The following ENTPD8 variants were observed in gnomAD, a reference collection of about 807,000 sequenced individuals.
ENTPD8 encodes the protein ectonucleoside triphosphate diphosphohydrolase 8.
In ENTPD8, 35 loss-of-function variants were observed where a neutral mutation model predicts 47.0. That is an observed-to-expected ratio of 0.75 (90% CI 0.57 to 0.99). The LOEUF is 0.99. Among genes scored for constraint, ENTPD8 ranks in the 50% least tolerant of loss-of-function variants. The probability of loss-of-function intolerance (pLI) is 0.00; values close to 1 mark genes in which losing one functional copy is unlikely to be tolerated. For missense variants in ENTPD8, 668 were observed against 649.9 expected (o/e 1.03, Z -0.30); for synonymous variants, 308 against 290.5 (o/e 1.06, Z -0.61).
intron 4 of ENTPD8, 57 bp downstream of exon 4, chr9:137,437,102 T>A: frequency 6.2e-7 from 1 of 1,603,056 alleles, no homozygotes; most frequent in Non-Finnish European, 8.5e-7. Flanking sequence ...CCACGCTGGC[T>A]GAGACCATGG....
At position 137,437,290 on chromosome 9, in the gene ENTPD8, G is replaced by A. The variant is rs139221411; in HGVS notation, c.264C>T (p.Tyr88=). The A allele has an allele frequency of 6.3e-5, 102 of 1,611,780 alleles. No individual in the cohort carries two copies. In the African/African-American group the frequency reaches 1.2e-3, roughly 19 times the overall value. The change falls in exon 4 of 10, where the codon TAC becomes TAT. Residue 88 remains tyrosine, a synonymous_variant. Coordinates refer to ENST00000371506, the MANE Select transcript of ENTPD8 (RefSeq NM_001033113.2). ...CACCAGCCTGTGCAGCATTAGAAGTGTAGGAGGAGATTCCAGGCCCTGGAA... is the reference window on the plus strand; with the variant it reads ...CACCAGCCTGTGCAGCATTAGAAGTATAGGAGGAGATTCCAGGCCCTGGAA... The part of the protein sequence containing the change: ...CQVEGPGISS[Y]TSNAAQAGES...
chr9:137,434,964 C>G lies in ENTPD8; in HGVS notation c.1438G>C (p.Val480Leu), dbSNP rs779692538. 6.2e-7 allele frequency: 1 copy of G among 1,612,954 alleles called. No homozygotes were observed. The highest frequency in any genetic ancestry group is 1.1e-5 in the South Asian group (1 of 91,064). ...ACCAAGGCAGCCCCCACCACCGCCA[C>G]CAGGGCCAGCACCATGAACACCACT... ...AKVVFMVLALVAVVGAALVQL... is the reference protein window; with the variant it reads ...AKVVFMVLALLAVVGAALVQL... The change falls in exon 10 of 10, where the codon GTG becomes CTG. Residue 480 changes from valine to leucine, a missense_variant. By Grantham distance (32) the Val-to-Leu change is conservative. Coordinates refer to ENST00000371506, the MANE Select transcript of ENTPD8 (RefSeq NM_001033113.2).
chr9:137,441,282 T>C lies in ENTPD8; in HGVS notation c.-21+4A>G. 1 of 272,682 alleles carries C rather than the reference T, an allele frequency of 3.7e-6. No homozygotes were observed. Among genetic ancestry groups the C allele is most frequent in the Non-Finnish European group, 7.6e-6 (1 of 131,626 alleles). 16.9% of individuals were successfully genotyped at this position (272,682 alleles called of 1,614,324 possible). A position where few individuals can be genotyped will look rare whatever the true frequency, so the allele number is the denominator to read the frequency against. On this transcript the variant is annotated splice_donor_region_variant and intron_variant, in intron 1 of 9. Coordinates refer to ENST00000371506, the MANE Select transcript of ENTPD8 (RefSeq NM_001033113.2). Reference sequence around the variant, plus strand: ...CCCCCCAGGACATCCCTTTGGACCCTCACCTGGGCTGGCTGCCCACTTCCC... The same window carrying C: ...CCCCCCAGGACATCCCTTTGGACCCCCACCTGGGCTGGCTGCCCACTTCCC...
At chr9:137,435,852 G>C (rs755028105) in intron 7 of ENTPD8, 23 bp from the exon 8 acceptor site, 2 of 1,610,008 alleles carry the variant, frequency 1.2e-6, no homozygotes, top group East Asian at 4.5e-5. Flanking sequence ...GGAGGTGGCT[G>C]TGCCTTCGCT....
chr9:137,436,969 C>T lies in ENTPD8; in HGVS notation c.455G>A (p.Arg152Gln), dbSNP rs956599665. Residue 152 changes from arginine (R) to glutamine (Q), a missense_variant, in exon 5 of 10, where the codon CGG becomes CAG. Arg to Gln is a conservative substitution (Grantham distance 43). Coordinates refer to ENST00000371506, the MANE Select transcript of ENTPD8 (RefSeq NM_001033113.2). ...GGCACCCCAAAAGTCCACGGGAGACCGGCCCAGGACCTGGGTGACTGCTGC... is the reference window on the plus strand; with the variant it reads ...GGCACCCCAAAAGTCCACGGGAGACTGGCCCAGGACCTGGGTGACTGCTGC... ...IFAAVTQVLG[R>Q]SPVDFWGAEL... is the part of the protein sequence containing the mutation. 87 of 1,612,862 alleles carry T rather than the reference C, an allele frequency of 5.4e-5. No homozygotes were observed. The highest frequency in any genetic ancestry group is 1.2e-4 in the African/African-American group (9 of 74,938).
Position 137,436,930 on chromosome 9 carries a change from CCGGCCAGGAGCT to C in ENTPD8, c.482_493del (p.Glu161_Ala164del). 6.2e-7 allele frequency: 1 copy of C among 1,612,856 alleles called. No individual in the cohort carries two copies. The highest frequency in any genetic ancestry group is 8.5e-7 in the Non-Finnish European group (1 of 1,179,834). On this transcript the variant is annotated inframe_deletion, in exon 5 of 10. Transcript: ENST00000371506. Reference sequence around the variant, plus strand: ...CCAACCAAAGGCACCTTCGGCCTGCCCGGCCAGGAGCTCGGCACCCCAAAAGTCCACGGGAGA... The same window carrying C: ...CCAACCAAAGGCACCTTCGGCCTGCCCGGCACCCCAAAAGTCCACGGGAGA...
intron 8 of ENTPD8, 148 bp from the exon 9 acceptor site, chr9:137,435,486 C>T: frequency 7.3e-7 from 1 of 1,377,044 alleles, no homozygotes; most frequent in Non-Finnish European, 9.6e-7. Flanking sequence ...CCCCACCGAC[C>T]AGTTACGTGG....
rs1839385587 is a variant in ENTPD8, at chr9:137,437,044, C to G, written c.396-16G>C. ...GTTCTTCCGGCTGGGCACAGAGGAC[C>G]AGGGGCTGGAGCTGGCTGGAAGCCT... On this transcript the variant is annotated splice_polypyrimidine_tract_variant and intron_variant, in intron 4 of 9. Transcript: ENST00000371506. 6.2e-7 allele frequency: 1 copy of G among 1,609,852 alleles called. No homozygotes were observed. Among genetic ancestry groups the G allele is most frequent in the Admixed American group, 1.7e-5 (1 of 59,868 alleles).
At position 137,435,393 on chromosome 9, in the gene ENTPD8, G is replaced by A. The variant is rs572829352; in HGVS notation, c.1162-55C>T. The A allele has an allele frequency of 1.2e-3, 1,885 of 1,572,384 alleles. 4 individuals carry two copies. The highest frequency in any genetic ancestry group is 2.4e-3 in the Middle Eastern group (11 of 4,506). On this transcript the variant is annotated intron_variant, in intron 8 of 9. Transcript: ENST00000371506. ...GAGGGCCCCTGATCCCCAGTCATGC[G>A]GGGACCGCCCCATCTGTCCTGGCCA... is the stretch of plus-strand genomic sequence containing the variant.
Position 137,438,178 on chromosome 9 carries a change from G to A in ENTPD8, c.108C>T (p.Leu36=). The change falls in exon 2 of 10, where the codon CTC becomes CTT. Residue 36 remains leucine, a synonymous_variant. Coordinates refer to ENST00000371506, the MANE Select transcript of ENTPD8 (RefSeq NM_001033113.2). The surrounding 1 kb of genome is among the most constrained non-coding windows in gnomAD (Gnocchi z 5.7). ...ILLLVEATSV[L]LPTDIKFGIV... ...GACGCACCTTGATGTCTGTGGGCAG[G>A]AGCACGCTGGTGGCCTCCACCAGGA... The A allele has an allele frequency of 8.7e-6, 14 of 1,609,360 alleles. No homozygotes were observed. Among genetic ancestry groups the A allele is most frequent in the Non-Finnish European group, 1.0e-5 (12 of 1,178,218 alleles).
In ENTPD8 at chr9:137,434,857, C is replaced by T; in HGVS notation, c.*57G>A. ...CGGCGCTCAGGGCTCAGGAAGCCTC[C>T]AGCATCCGGGACGCAGCTGCCTGTG... On this transcript the variant is annotated 3_prime_UTR_variant, in exon 10 of 10. Transcript: ENST00000371506. 1 of 1,512,688 alleles carries T rather than the reference C, an allele frequency of 6.6e-7. No homozygotes were observed. The highest frequency in any genetic ancestry group is 8.9e-7 in the Non-Finnish European group (1 of 1,129,226). The allele number at this position is 1,512,688 out of a possible 1,614,324, so 93.7% of individuals were successfully genotyped here. A position where few individuals can be genotyped will look rare whatever the true frequency, so the allele number is the denominator to read the frequency against.
chr9:137,436,900 G>C lies in ENTPD8; in HGVS notation c.524C>G (p.Thr175Ser), dbSNP rs889010121. The change falls in exon 5 of 10, where the codon ACT becomes AGT. Residue 175 changes from threonine to serine, a missense_variant. Thr to Ser is a moderately conservative substitution (Grantham distance 58). Coordinates refer to ENST00000371506, the MANE Select transcript of ENTPD8 (RefSeq NM_001033113.2). ...GQAEGAFGWITVNYGLGTLVK... is the reference protein window; with the variant it reads ...GQAEGAFGWISVNYGLGTLVK... ...CAGCGTCCCCAAGCCGTAGTTGACA[G>C]TGATCCAACCAAAGGCACCTTCGGC... The C allele has an allele frequency of 3.1e-6, 5 of 1,612,924 alleles. No homozygotes were observed. In the African/African-American group the frequency reaches 5.3e-5, roughly 17 times the overall value.
At position 137,436,524 on chromosome 9, in the gene ENTPD8, T is replaced by C. The variant is rs13297080; in HGVS notation, c.783A>G (p.Val261=). The stretch of plus-strand genomic sequence containing the variant: ...ACCCTCCCCAGGGCCAGCTGACCTG[T>C]ACCAGCCCCACGAGGAGCCTGCTCA... ...QMLSRLLVGL[V]QSRPAALLRH... Residue 261 remains valine (V), a synonymous_variant, in exon 6 of 10, where the codon GTA becomes GTG. Transcript: ENST00000371506. The C allele has an allele frequency of 0.94, 1,498,742 of 1,602,878 alleles. 700,975 individuals carry two copies. The highest frequency in any genetic ancestry group is 0.99 in the East Asian group (44,337 of 44,636).
rs763956685 is a variant in ENTPD8, at chr9:137,437,240, T to G, written c.314A>C (p.Glu105Ala). ...AGESLQGCLE[E>A]ALVLIPEAQH... ...GGCCTCTGGGATCAGCACCAGCGCC[T>G]CCTCCAAGCAGCCCTGCAGGCTCTC... The change falls in exon 4 of 10, where the codon GAG (glutamate) becomes GCG (alanine). Residue 105 changes from glutamate (E) to alanine (A), a missense_variant. Glu to Ala is a moderately radical substitution (Grantham distance 107, BLOSUM62 -1). Coordinates refer to ENST00000371506, the MANE Select transcript of ENTPD8 (RefSeq NM_001033113.2). The G allele has an allele frequency of 1.9e-6, 3 of 1,612,984 alleles. No homozygotes were observed. The highest frequency in any genetic ancestry group is 4.5e-5 in the East Asian group (2 of 44,874).
At chr9:137,439,403 TC>T (rs1317104589) in intron 1 of ENTPD8, among the ~76,000 whole-genome samples, 1 of 152,020 alleles carries the variant, frequency 6.6e-6, no homozygotes, top group Non-Finnish European at 1.5e-5. Flanking sequence ...CCTGCCAAGG[TC>T]CCGGCACCTG....
chr9:137,435,145 C>T, intron 9 of ENTPD8, 40 bp from the exon 10 acceptor site: 2 of 1,602,276 alleles, frequency 1.2e-6, no homozygotes, highest in Admixed American at 1.7e-5. Context: ...GGGGCAGCTA[C>T]CCCAGGACCA....
intron 6 of ENTPD8, 109 bp from the exon 7 acceptor site, chr9:137,436,385 C>G: frequency 7.1e-7 from 1 of 1,411,326 alleles, no homozygotes; most frequent in Non-Finnish European, 9.4e-7. Flanking sequence ...TGTGCGCCCT[C>G]CCCGGTGCCG....
chr9:137,438,330 C>G lies in ENTPD8; in HGVS notation c.-20-25G>C. ...CCTGTGGGGGGACGGCCGTGGGCAC[C>G]CAGGCTGCACTTGGTGTCCCCATCC... On this transcript the variant is annotated intron_variant, in intron 1 of 9. Transcript: ENST00000371506. This position sits in a 1 kb window ranked among gnomAD's most constrained non-coding sequence, Gnocchi z 5.7. The G allele has an allele frequency of 6.7e-7, 1 of 1,490,792 alleles. No individual in the cohort carries two copies. The highest frequency in any genetic ancestry group is 1.3e-5 in the South Asian group (1 of 77,212). 92.3% of individuals were successfully genotyped at this position (1,490,792 alleles called of 1,614,324 possible). A position where few individuals can be genotyped will look rare whatever the true frequency, so the allele number is the denominator to read the frequency against.
chr9:137,437,380 C>A, intron 3 of ENTPD8, 71 bp from the exon 4 acceptor site: 2 of 1,548,598 alleles, frequency 1.3e-6, no homozygotes, highest in East Asian at 2.3e-5. Context: ...CCCCCAAAGA[C>A]ATGACCACCT....
Sources: gnomAD v4.1 joint callset for allele counts (sites outside exome capture counted in the v4.1 genomes callset) on GRCh38, gnomAD v4.1.1 for gene constraint, Gnocchi (gnomAD v3.1) non-coding constraint, MANE v1.5 for transcripts, NCBI Gene and HGNC (gene_info 2026-07-23, HGNC 2026-07-21) for gene names.